XRCC4: variants seen among roughly 807,000 people sequenced by gnomAD.
XRCC4 encodes the protein X-ray repair cross complementing 4, also known as DNA repair protein XRCC4.
XRCC4 carries 28 observed loss-of-function variants against 39.1 expected under a neutral mutation model. That is an observed-to-expected ratio of 0.72 (90% CI 0.53 to 0.98). XRCC4 has a LOEUF of 0.98. Ranked by LOEUF, XRCC4 falls within the 50% of genes least tolerant of loss-of-function variation. XRCC4 has a pLI of 0.00. For synonymous variants in XRCC4, 123 were observed against 126.4 expected (o/e 0.97, Z 0.18); for missense variants, 350 against 376.4 (o/e 0.93, Z 0.58).
intron 3 of XRCC4, among the ~76,000 whole-genome samples, chr5:83,116,033 G>A (rs1542539): frequency 0.49 from 73,826 of 151,952 alleles, 18,733 homozygotes; most frequent in African/African-American, 0.62. Context: ...TATTCAGGAT[G>A]TGCTTCTGCA....
intron 3 of XRCC4, among the ~76,000 whole-genome samples, chr5:83,163,170 C>T (rs945513943): frequency 6.6e-6 from 1 of 152,072 alleles, no homozygotes; most frequent in Non-Finnish European, 1.5e-5. Flanking sequence ...TGGTCTTGAA[C>T]TCCTGACCTC....
chr5:83,084,532 G>A (rs2112289022), intron 1 of XRCC4, among the ~76,000 whole-genome samples: 1 of 152,242 alleles, frequency 6.6e-6, no homozygotes, highest in South Asian at 2.1e-4. Context: ...CTGTTCATGA[G>A]GCATTTATGT....
intron 1 of XRCC4, among the ~76,000 whole-genome samples, chr5:83,083,463 G>T (rs1029010197): frequency 6.8e-6 from 1 of 146,182 alleles, no homozygotes; most frequent in Non-Finnish European, 1.5e-5. Flanking sequence ...TACAACCTCT[G>T]CCTCCTGGGT....
At chr5:83,096,438 G>A (rs926142703) in intron 1 of XRCC4, among the ~76,000 whole-genome samples, 1 of 152,134 alleles carries the variant, frequency 6.6e-6, no homozygotes, top group African/African-American at 2.4e-5. Flanking sequence ...CCCTTGGCAG[G>A]TGGTTTTGGT....
At chr5:83,331,006 C>T (rs566318441) in intron 7 of XRCC4, among the ~76,000 whole-genome samples, 77 of 152,074 alleles carry the variant, frequency 5.1e-4, no homozygotes, top group Non-Finnish European at 7.4e-4. Context: ...TAAAACCATC[C>T]CTACCTACCT....
At chr5:83,131,051 A>G (rs10474085) in intron 3 of XRCC4, among the ~76,000 whole-genome samples, 52,767 of 151,760 alleles carry the variant, frequency 0.35, 9,848 homozygotes, top group Non-Finnish European at 0.42. Flanking sequence ...AGTTCTTTTA[A>G]TTGTGATGTT....
intron 1 of XRCC4, among the ~76,000 whole-genome samples, chr5:83,088,228 C>T (rs1345343415): frequency 6.6e-6 from 1 of 152,086 alleles, no homozygotes; most frequent in African/African-American, 2.4e-5. Context: ...TAGCAAAATT[C>T]TATACTACCT....
intron 4 of XRCC4, among the ~76,000 whole-genome samples, chr5:83,202,566 T>C (rs1223651768): frequency 6.6e-6 from 1 of 152,212 alleles, no homozygotes; most frequent in Non-Finnish European, 1.5e-5. Context: ...CACTGAAATA[T>C]ATATGTGTGT....
intron 7 of XRCC4, among the ~76,000 whole-genome samples, chr5:83,281,254 C>T (rs1336710876): frequency 6.6e-6 from 1 of 152,148 alleles, no homozygotes; most frequent in Non-Finnish European, 1.5e-5. Context: ...TCTTACATAG[C>T]TCCCTTTCAG....
chr5:83,263,938 G>A (rs1184611265), intron 7 of XRCC4, among the ~76,000 whole-genome samples: 8 of 151,946 alleles, frequency 5.3e-5, no homozygotes, highest in African/African-American at 1.9e-4. Context: ...TGTCCTGAAT[G>A]GTAATGCCTA....
chr5:83,131,573 G>C (rs557097563), intron 3 of XRCC4, among the ~76,000 whole-genome samples: 1 of 152,154 alleles, frequency 6.6e-6, no homozygotes, highest in Non-Finnish European at 1.5e-5. Flanking sequence ...TGTATTGGGT[G>C]AATATACATT....
intron 6 of XRCC4, among the ~76,000 whole-genome samples, chr5:83,236,049 T>C (rs1248158330): frequency 6.6e-6 from 1 of 151,906 alleles, no homozygotes; most frequent in Non-Finnish European, 1.5e-5. Context: ...TTATAAAACA[T>C]TGATGAAAGA....
At chr5:83,195,140 T>C (rs1466228442) in intron 3 of XRCC4, among the ~76,000 whole-genome samples, 1 of 152,170 alleles carries the variant, frequency 6.6e-6, no homozygotes, top group Non-Finnish European at 1.5e-5. Flanking sequence ...ACTATTTGAG[T>C]ATTTTATTTT....
intron 3 of XRCC4, among the ~76,000 whole-genome samples, chr5:83,132,612 T>A (rs952302310): frequency 1.3e-5 from 2 of 152,132 alleles, no homozygotes; most frequent in Admixed American, 1.3e-4. Flanking sequence ...ACTTCTCTTC[T>A]CACTTCATTT....
chr5:83,242,904 A>G (rs1274369157), intron 6 of XRCC4, among the ~76,000 whole-genome samples: 1 of 152,210 alleles, frequency 6.6e-6, no homozygotes, highest in African/African-American at 2.4e-5. Flanking sequence ...AGTTTGCTCA[A>G]GATTACACAG....
At chr5:83,362,417 C>G in the XRCC4 span, among the ~76,000 whole-genome samples, 1 of 151,464 alleles carries the variant, frequency 6.6e-6, no homozygotes, top group Non-Finnish European at 1.5e-5. Flanking sequence ...GTGACCACAA[C>G]TGGTTGTCTT....
At chr5:83,143,905 C>T (rs1161254605) in intron 3 of XRCC4, among the ~76,000 whole-genome samples, 7 of 151,260 alleles carry the variant, frequency 4.6e-5, no homozygotes, top group Admixed American at 4.0e-4. Context: ...AGTTTTCTTT[C>T]TTTTTTTTAA....
the XRCC4 span, among the ~76,000 whole-genome samples, chr5:83,372,847 A>G: frequency 6.6e-6 from 1 of 152,316 alleles, no homozygotes; most frequent in South Asian, 2.1e-4. Flanking sequence ...AGTTTGATTT[A>G]ATGTTTTAAT....
chr5:83,112,444 T>TTATC (rs1746487260), intron 3 of XRCC4, among the ~76,000 whole-genome samples: 1 of 152,246 alleles, frequency 6.6e-6, no homozygotes, highest in Admixed American at 6.5e-5. Flanking sequence ...TTTCTAGTTT[T>TTATC]TATCTGTTTC....
Sources: allele counts gnomAD v4.1 joint callset (sites outside exome capture counted in the v4.1 genomes callset), GRCh38; gene constraint gnomAD v4.1.1; transcripts MANE v1.5; gene names NCBI Gene and HGNC (gene_info 2026-07-23, HGNC 2026-07-21).